The following FGFR3 variants were observed in gnomAD, a reference collection of about 807,000 sequenced individuals.
FGFR3 encodes the protein fibroblast growth factor receptor 3, also known as FGFR-3.
FGFR3 carries 25 observed loss-of-function variants against 82.9 expected under a neutral mutation model. That is an observed-to-expected ratio of 0.30 (90% CI 0.22 to 0.42). The LOEUF is 0.42. FGFR3 is among the 10% of genes least tolerant of loss of function. The pLI is 1.00. For synonymous variants in FGFR3, 620 were observed against 516.0 expected (o/e 1.20, Z -2.73); for missense variants, 1,026 against 1,161.0 (o/e 0.88, Z 1.69).
Position 1,805,570 on chromosome 4 carries a change from G to A in FGFR3, c.1546G>A (p.Asp516Asn). 1.2e-6 allele frequency: 2 copies of A among 1,613,190 alleles called. No homozygotes were observed. The highest frequency in any genetic ancestry group is 1.7e-6 in the Non-Finnish European group (2 of 1,179,824). The change falls in exon 12 of 18, where the codon GAC (aspartate) becomes AAC (asparagine). Residue 516 changes from aspartate to asparagine, a missense_variant. Physicochemically the swap from Asp to Asn is conservative, Grantham distance 23. Around this residue, in one of 9 missense-constraint regions of FGFR3, gnomAD observed 164 missense variants for 167.5 expected, o/e 0.98. Coordinates refer to ENST00000440486, the MANE Select transcript of FGFR3 (RefSeq NM_000142.5). ...CGCTCCGTGCACAGACGATGCCACT[G>A]ACAAGGACCTGTCGGACCTGGTGTC... Reference protein sequence around the residue: ...AVKMLKDDATDKDLSDLVSEM... With the variant: ...AVKMLKDDATNKDLSDLVSEM...
intron 9 of FGFR3, 147 bp from the exon 10 acceptor site, chr4:1,804,677 C>T (rs770097103): frequency 2.1e-6 from 3 of 1,422,224 alleles, no homozygotes; most frequent in Middle Eastern, 2.3e-4. Context: ...GCCTAGGGTA[C>T]TTTGGGGCAC....
At chr4:1,797,116 A>T (rs1720606291) in intron 2 of FGFR3, among the ~76,000 whole-genome samples, 1 of 152,152 alleles carries the variant, frequency 6.6e-6, no homozygotes, top group Non-Finnish European at 1.5e-5. Context: ...GTGTTTGGGC[A>T]CCAGTGTCTG....
At chr4:1,805,198 T>A (rs1721730125) in intron 10 of FGFR3, among the ~76,000 whole-genome samples, 157 bp from the exon 11 acceptor site, 1 of 152,194 alleles carries the variant, frequency 6.6e-6, no homozygotes, top group Non-Finnish European at 1.5e-5. Context: ...TGGGTGACAC[T>A]CTTCGTCCTT....
chr4:1,796,424 C>G (rs1055529640), intron 2 of FGFR3, among the ~76,000 whole-genome samples: 2 of 152,112 alleles, frequency 1.3e-5, no homozygotes, highest in South Asian at 2.1e-4. Flanking sequence ...TATTTTATAG[C>G]TCCTACCTGG....
At chr4:1,794,735 C>G (rs960092711) in intron 2 of FGFR3, among the ~76,000 whole-genome samples, 1 of 152,000 alleles carries the variant, frequency 6.6e-6, no homozygotes, top group Non-Finnish European at 1.5e-5. Context: ...AAGGGGCGCC[C>G]GGCCGGACCT....
At position 1,803,609 on chromosome 4, in the gene FGFR3, G is replaced by A. The variant is rs568668917; in HGVS notation, c.931-83G>A. 90 of 1,556,960 alleles carry A rather than the reference G, an allele frequency of 5.8e-5. No homozygotes were observed. In the African/African-American group the frequency reaches 8.3e-4, roughly 14 times the overall value. ...GTGGTGGCGGCGTTTTCCTTGCAGC[G>A]GCTGGATCCTGCCGTGTGGACTCTG... On this transcript the variant is annotated intron_variant, in intron 7 of 17. Coordinates refer to ENST00000440486, the MANE Select transcript of FGFR3 (RefSeq NM_000142.5).
At chr4:1,806,512 T>C (rs2108810947) in intron 15 of FGFR3, 34 bp from the exon 16 acceptor site, 1 of 1,612,426 alleles carries the variant, frequency 6.2e-7, no homozygotes, top group Non-Finnish European at 8.5e-7. Context: ...GTCCTGGGAG[T>C]CTCAGGACAG....
At chr4:1,793,758 C>A in intron 1 of FGFR3, 75 bp from the exon 2 acceptor site, 1 of 158,650 alleles carries the variant, frequency 6.3e-6, no homozygotes, top group South Asian at 1.8e-4. Context: ...TCGGAGGGGT[C>A]GGGACGCAGG....
At chr4:1,800,501 C>G (rs1263839612) in intron 4 of FGFR3, among the ~76,000 whole-genome samples, 1 of 151,990 alleles carries the variant, frequency 6.6e-6, no homozygotes, top group Non-Finnish European at 1.5e-5. Context: ...GTGGGGTAAG[C>G]AGGTGAGGAA....
In FGFR3 at chr4:1,793,955, C is replaced by T. The variant is rs779195790; in HGVS notation, c.21C>T (p.Ala7=). Residue 7 remains alanine, a synonymous_variant, in exon 2 of 18, where the codon GCC becomes GCT. Transcript: ENST00000440486. MGAPAC[A]LALCVAVAIV... Reference sequence around the variant, plus strand: ...CCGCCATGGGCGCCCCTGCCTGCGCCCTCGCGCTCTGCGTGGCCGTGGCCA... The same window carrying T: ...CCGCCATGGGCGCCCCTGCCTGCGCTCTCGCGCTCTGCGTGGCCGTGGCCA... 10 of 1,356,622 alleles carry T rather than the reference C, an allele frequency of 7.4e-6. No homozygotes were observed. The African/African-American group carries it at 9.0e-5, about 12-fold the overall frequency. 84.0% of individuals were successfully genotyped at this position (1,356,622 alleles called of 1,614,324 possible). A position where few individuals can be genotyped will look rare whatever the true frequency, so the allele number is the denominator to read the frequency against.
chr4:1,804,193 C>G, intron 8 of FGFR3, 137 bp from the exon 9 acceptor site: 1 of 1,000,412 alleles, frequency 1.0e-6, no homozygotes, highest in East Asian at 2.4e-5. Context: ...ACTGCGAGAC[C>G]CTCCAGACAA....
rs1239804225 is a variant in FGFR3, at chr4:1,807,892, G to T, written c.*630G>T. ...TTCTATAAATAGATGCTGTGTATAT[G>T]GTATATATACATATATATATATAAC... is the stretch of plus-strand genomic sequence containing the variant. On this transcript the variant is annotated 3_prime_UTR_variant, in exon 18 of 18. Transcript: ENST00000440486. 3 of 416,114 alleles carry T rather than the reference G, an allele frequency of 7.2e-6. No homozygotes were observed. Among genetic ancestry groups the T allele is most frequent in the Non-Finnish European group, 1.4e-5 (3 of 220,308 alleles). 25.8% of individuals were successfully genotyped at this position (416,114 alleles called of 1,614,324 possible). A position where few individuals can be genotyped will look rare whatever the true frequency, so the allele number is the denominator to read the frequency against.
At chr4:1,798,920 A>G (rs778957715) in intron 2 of FGFR3, among the ~76,000 whole-genome samples, 1 of 152,210 alleles carries the variant, frequency 6.6e-6, no homozygotes, top group Non-Finnish European at 1.5e-5. Context: ...AAAAGAACGA[A>G]GAGTCACATT....
rs1305076537 is a variant in FGFR3, at chr4:1,805,540, C to A, written c.1535-19C>A. 1.2e-6 allele frequency: 2 copies of A among 1,612,660 alleles called. No homozygotes were observed. Among genetic ancestry groups the A allele is most frequent in the African/African-American group, 1.3e-5 (1 of 74,910 alleles). On this transcript the variant is annotated intron_variant, in intron 11 of 17. Coordinates refer to ENST00000440486, the MANE Select transcript of FGFR3 (RefSeq NM_000142.5). Reference sequence around the variant, plus strand: ...GGGCGCCGCCGCCGCCTGACACAGGCCCCCCGCTCCGTGCACAGACGATGC... The same window carrying A: ...GGGCGCCGCCGCCGCCTGACACAGGACCCCCGCTCCGTGCACAGACGATGC...
intron 17 of FGFR3, 42 bp downstream of exon 17, chr4:1,806,976 TCCC>T: frequency 6.4e-7 from 1 of 1,566,208 alleles, no homozygotes; most frequent in East Asian, 2.4e-5. Context: ...CCTATGCCCC[TCCC>T]CCTGCCGTCC....
chr4:1,799,306 G>C lies in FGFR3; in HGVS notation c.162G>C (p.Gly54=). Residue 54 remains glycine, a synonymous_variant, in exon 3 of 18, where the codon GGG becomes GGC. Transcript: ENST00000440486. ...AGGAGCAGTTGGTCTTCGGCAGCGG[G>C]GATGCTGTGGAGCTGAGCTGTCCCC... ...GQQEQLVFGS[G]DAVELSCPPP... 2 of 1,612,720 alleles carry C rather than the reference G, an allele frequency of 1.2e-6. No homozygotes were observed. Among genetic ancestry groups the C allele is most frequent in the East Asian group, 4.5e-5 (2 of 44,878 alleles).
In FGFR3 at chr4:1,799,784, C is replaced by A. The variant is rs3135867; in HGVS notation, c.417C>A (p.Asp139Glu). 2 of 1,612,966 alleles carry A rather than the reference C, an allele frequency of 1.2e-6. No individual in the cohort carries two copies. Among genetic ancestry groups the A allele is most frequent in the Non-Finnish European group, 1.7e-6 (2 of 1,179,932 alleles). The part of the protein sequence containing the change: ...PSSGDDEDGE[D>E]EAEDTGVDTG... Reference sequence around the variant, plus strand: ...CGGGAGATGACGAAGACGGGGAGGACGAGGCTGAGGACACAGGTGTGGACA... The same window carrying A: ...CGGGAGATGACGAAGACGGGGAGGAAGAGGCTGAGGACACAGGTGTGGACA... The change falls in exon 4 of 18, where the codon GAC becomes GAA. Residue 139 changes from aspartate (D) to glutamate (E), a missense_variant. By Grantham distance (45) the Asp-to-Glu change is conservative (BLOSUM62 2). Coordinates refer to ENST00000440486, the MANE Select transcript of FGFR3 (RefSeq NM_000142.5).
chr4:1,807,388 T>TA lies in FGFR3; in HGVS notation c.*126_*127insA. 1.6e-6 allele frequency: 2 copies of TA among 1,226,366 alleles called. No individual in the cohort carries two copies. The highest frequency in any genetic ancestry group is 2.2e-6 in the Non-Finnish European group (2 of 909,760). 76.0% of individuals were successfully genotyped at this position (1,226,366 alleles called of 1,614,324 possible). On this transcript the variant is annotated 3_prime_UTR_variant, in exon 18 of 18. Transcript: ENST00000440486. ...CAGCTACACAGAGCTTTGGTCTGTG[T>TA]GTGTGTGTGTGCGTGTGTGTGTGTG...
chr4:1,794,480 G>C (rs1190538308), intron 2 of FGFR3, among the ~76,000 whole-genome samples: 1 of 152,172 alleles, frequency 6.6e-6, no homozygotes, highest in Non-Finnish European at 1.5e-5. Flanking sequence ...GGACTTCTAA[G>C]GGTGGGTGTG....
Sources: allele counts gnomAD v4.1 joint callset (sites outside exome capture counted in the v4.1 genomes callset), GRCh38; gene constraint gnomAD v4.1.1; regional missense constraint gnomAD v4.1.1; transcripts MANE v1.5; gene names NCBI Gene and HGNC (gene_info 2026-07-23, HGNC 2026-07-21).